Variants in ZFHX3 observed in about 807,000 individuals in gnomAD.
The protein encoded by ZFHX3 is zinc finger homeobox protein 3.
A neutral mutation model predicts 279.1 loss-of-function variants in ZFHX3; 42 were observed. That is an observed-to-expected ratio of 0.15 (90% CI 0.12 to 0.19). The LOEUF (loss-of-function observed/expected upper bound fraction) is 0.19, where lower values mean the gene tolerates loss of function less well. Among genes scored for constraint, ZFHX3 ranks in the 10% least tolerant of loss-of-function variants. The pLI, the probability that ZFHX3 is intolerant of heterozygous loss-of-function variation, is 1.00. For missense variants in ZFHX3, 4,981 were observed against 4,754.0 expected (o/e 1.05, Z -1.40); for synonymous variants, 2,293 against 1,957.8 (o/e 1.17, Z -4.52).
chr16:73,383,048 G>A (rs745488378), intron 3 of ZFHX3, among the ~76,000 whole-genome samples: 4 of 152,230 alleles, frequency 2.6e-5, no homozygotes, highest in Admixed American at 1.3e-4. Context: ...TAACACAGGA[G>A]ATGACAGAGC....
Position 73,805,780 on chromosome 16 carries a change from G to A in ZFHX3, c.-1608+85871C>T, listed in dbSNP as rs563359100. On this transcript the variant is annotated intron_variant, in intron 1 of 17. Transcript: ENST00000641206. ...AAGATGCACGTATAATATAATGCTG[G>A]GTGGCATGTGAATAAAAGGATAGCA... Among the ~76,000 whole-genome samples, 56 of 152,306 alleles carry A rather than the reference G, an allele frequency of 3.7e-4. No individual in the cohort carries two copies. The South Asian group carries it at 4.8e-3, about 13-fold the overall frequency.
intron 4 of ZFHX3, among the ~76,000 whole-genome samples, chr16:72,854,604 C>T (rs907021347): frequency 1.6e-4 from 24 of 151,980 alleles, no homozygotes; most frequent in African/African-American, 5.1e-4. Flanking sequence ...AATTCCCAAA[C>T]AATAAGGGGG....
chr16:73,190,977 TA>T (rs1968019383), intron 5 of ZFHX3, among the ~76,000 whole-genome samples: 1 of 151,984 alleles, frequency 6.6e-6, no homozygotes, highest in Admixed American at 6.5e-5. Context: ...CGTGTTGGCT[TA>T]CTAAAAACCC....
At chr16:72,791,235 A>C (rs1269155760) in intron 9 of ZFHX3, 1 of 152,234 alleles carries the variant, frequency 6.6e-6, no homozygotes. Flanking sequence ...CATTGATAGA[A>C]AAAGCTTAGC....
At chr16:73,268,119 AT>A (rs1009901676) in intron 4 of ZFHX3, among the ~76,000 whole-genome samples, 2 of 152,206 alleles carry the variant, frequency 1.3e-5, no homozygotes, top group African/African-American at 2.4e-5. Context: ...GAATAAATCC[AT>A]TTTTTTCCAC....
chr16:73,213,161 T>TGA (rs1019851074), intron 5 of ZFHX3, among the ~76,000 whole-genome samples: 2 of 152,148 alleles, frequency 1.3e-5, no homozygotes, highest in Non-Finnish European at 2.9e-5. Flanking sequence ...GCCCTGAAGA[T>TGA]CATCTGGAAA....
chr16:73,200,538 G>A (rs369082131), intron 5 of ZFHX3, among the ~76,000 whole-genome samples: 5 of 152,262 alleles, frequency 3.3e-5, no homozygotes, highest in East Asian at 3.9e-4. Context: ...TTGAAGAAGT[G>A]TATTTTAGAT....
intron 4 of ZFHX3, among the ~76,000 whole-genome samples, chr16:73,271,850 T>C (rs2014153990): frequency 6.6e-6 from 1 of 152,232 alleles, no homozygotes; most frequent in African/African-American, 2.4e-5. Flanking sequence ...TGATGGGGCA[T>C]TGTCTCATCA....
At chr16:73,409,011 A>G (rs376313913) in intron 3 of ZFHX3, among the ~76,000 whole-genome samples, 3 of 152,330 alleles carry the variant, frequency 2.0e-5, no homozygotes, top group African/African-American at 7.2e-5. Context: ...CTGTTAGTTT[A>G]AACACTTCGT....
In ZFHX3 at chr16:73,778,387, T is replaced by A. The variant is rs543888303; in HGVS notation, c.-1607-98147A>T. On this transcript the variant is annotated intron_variant, in intron 1 of 17. Transcript: ENST00000641206. ...GAAAATTGCTCTGTGAGATTTCAAT[T>A]TCTCTGTTAATTACCTTACCTTGTC... Among the ~76,000 whole-genome samples the A allele has an allele frequency of 5.3e-5, 8 of 152,340 alleles. No individual in the cohort carries two copies. The South Asian group carries it at 1.0e-3, about 20-fold the overall frequency.
At chr16:73,499,135 A>G (rs1333244576) in intron 2 of ZFHX3, 1 of 152,196 alleles carries the variant, frequency 6.6e-6, no homozygotes. Flanking sequence ...GCATCTAAAG[A>G]GAGCTGGATG....
rs906383889 is a variant in ZFHX3 at position 73,507,248 on chromosome 16, C to T, written c.-1546-50990G>A. On this transcript the variant is annotated intron_variant, in intron 2 of 17. Coordinates refer to the ZFHX3 transcript ENST00000641206. ...AGGAAGAGGGAATAAAATAGAAAAA[C>T]GAGGTAATATAGAACATCCGGAATA... is the stretch of plus-strand genomic sequence containing the variant. Among the ~76,000 whole-genome samples, 4 of 152,192 alleles carry T rather than the reference C, an allele frequency of 2.6e-5. No homozygotes were observed. In the East Asian group the frequency reaches 7.7e-4, roughly 29 times the overall value.
intron 3 of ZFHX3, among the ~76,000 whole-genome samples, chr16:73,387,688 C>G (rs1398365335): frequency 6.6e-6 from 1 of 151,890 alleles, no homozygotes; most frequent in Non-Finnish European, 1.5e-5. Flanking sequence ...AACAGATGTG[C>G]CTCAAGAGGG....
At chr16:72,945,546 C>T (rs1209927576) in intron 3 of ZFHX3, among the ~76,000 whole-genome samples, 1 of 152,156 alleles carries the variant, frequency 6.6e-6, no homozygotes, top group Non-Finnish European at 1.5e-5. Flanking sequence ...CTAAAATTCA[C>T]CAAAACATCT....
intron 2 of ZFHX3, among the ~76,000 whole-genome samples, chr16:73,574,409 T>C (rs1213032682): frequency 6.6e-6 from 1 of 152,178 alleles, no homozygotes; most frequent in Non-Finnish European, 1.5e-5. Context: ...CATTTTCATA[T>C]ACCTTAGTTT....
At chr16:72,932,910 A>G (rs1276358595) in intron 3 of ZFHX3, among the ~76,000 whole-genome samples, 1 of 152,108 alleles carries the variant, frequency 6.6e-6, no homozygotes, top group Non-Finnish European at 1.5e-5. Flanking sequence ...TCATTCTATT[A>G]GCCCATTTTA....
chr16:73,097,231 A>ATTT (rs376018253), intron 7 of ZFHX3, among the ~76,000 whole-genome samples: 9,469 of 126,566 alleles, frequency 0.075, 806 homozygotes, highest in African/African-American at 0.17. Context: ...GCTAATTTTA[A>ATTT]TTTTTTTTTT....
intron 5 of ZFHX3, among the ~76,000 whole-genome samples, chr16:73,182,041 A>G (rs1967808146): frequency 1.3e-5 from 2 of 152,190 alleles, no homozygotes; most frequent in South Asian, 4.1e-4. Flanking sequence ...CTTGTTTCAT[A>G]TGATACAAGG....
intron 5 of ZFHX3, among the ~76,000 whole-genome samples, chr16:73,251,568 G>C (rs1047533519): frequency 3.3e-5 from 5 of 152,122 alleles, no homozygotes; most frequent in African/African-American, 1.2e-4. Context: ...CCCCAGATGA[G>C]TAGAACCCAG....
Sources: allele counts gnomAD v4.1 joint callset (sites outside exome capture counted in the v4.1 genomes callset), GRCh38; gene constraint gnomAD v4.1.1; transcripts MANE v1.5; gene names NCBI Gene and HGNC (gene_info 2026-07-23, HGNC 2026-07-21).